OSBPL3: variants seen among roughly 807,000 people sequenced by gnomAD.
The protein encoded by OSBPL3 is oxysterol-binding protein-related protein 3.
A neutral mutation model predicts 120.1 loss-of-function variants in OSBPL3; 65 were observed. The ratio of observed to expected loss-of-function variants is 0.54; its 90% CI spans 0.44 to 0.67. The LOEUF (loss-of-function observed/expected upper bound fraction) is 0.67, where lower values mean the gene tolerates loss of function less well. Among genes scored for constraint, OSBPL3 ranks in the 30% least tolerant of loss-of-function variants. OSBPL3 has a pLI of 0.00. For synonymous variants in OSBPL3, 416 were observed against 402.6 expected (o/e 1.03, Z -0.40); for missense variants, 1,004 against 1,082.1 (o/e 0.93, Z 1.01).
rs1240913342 is a variant in OSBPL3 at position 24,830,180 on chromosome 7, T to C, written c.1884+588A>G. Among the ~76,000 whole-genome samples, 3 of 152,176 alleles carry C rather than the reference T, an allele frequency of 2.0e-5. No homozygotes were observed. The highest frequency in any genetic ancestry group is 7.2e-5 in the African/African-American group (3 of 41,454). On this transcript the variant is annotated intron_variant, in intron 16 of 22. Coordinates refer to ENST00000313367, the MANE Select transcript of OSBPL3 (RefSeq NM_015550.4). This position sits in a 1 kb window ranked among gnomAD's most constrained non-coding sequence, Gnocchi z 4.4. ...GAGTGTGATGGAACCTTAGGCTGCA[T>C]GAGTACAAGGTTGTGCATCCATCAG...
chr7:24,941,955 T>C (rs1328917424), intron 1 of OSBPL3, among the ~76,000 whole-genome samples: 1 of 152,194 alleles, frequency 6.6e-6, no homozygotes, highest in African/African-American at 2.4e-5. Context: ...GTTACCAGTA[T>C]CCACACTTCA....
rs957026686 is a variant in OSBPL3, at chr7:24,904,726, C to T, written c.-149-12105G>A. 5.9e-5 allele frequency among the ~76,000 whole-genome samples: 9 copies of T among 151,932 alleles called. 1 individual carries two copies. In the South Asian group the frequency reaches 1.0e-3, roughly 18 times the overall value. ...ACATGGATGACTCTGGAAGACATTA[C>T]GCTAGGTGAAATAAGCCAGTCACAG... On this transcript the variant is annotated intron_variant, in intron 1 of 22. Coordinates refer to ENST00000313367, the MANE Select transcript of OSBPL3 (RefSeq NM_015550.4).
intron 6 of OSBPL3, 26 bp from the exon 7 acceptor site, chr7:24,865,491 T>C (rs1458933821): frequency 3.1e-6 from 5 of 1,610,648 alleles, no homozygotes; most frequent in Non-Finnish European, 8.5e-7. Flanking sequence ...CAAAAGCACA[T>C]TGTAAATGGA....
chr7:24,834,724 T>C lies in OSBPL3; in HGVS notation c.1508A>G (p.Asp503Gly). Reference protein sequence around the residue: ...NERQTLGPVLDSGREAKSRRR... With the variant: ...NERQTLGPVLGSGREAKSRRR... ...CCGGGACTTCGCTTCCCGACCACTA[T>C]CAAGGACAGGCCCTGAAAGGGAAAG... The change falls in exon 15 of 23, where the codon GAT becomes GGT. Residue 503 changes from aspartate to glycine, a missense_variant. By Grantham distance (94) the Asp-to-Gly change is moderately conservative (BLOSUM62 -1). This residue lies in a region of OSBPL3 where 473 missense variants were observed against 568.0 expected (regional missense o/e 0.83). Transcript: ENST00000313367. The surrounding 1 kb of genome is among the most constrained non-coding windows in gnomAD (Gnocchi z 5.2). The C allele has an allele frequency of 6.2e-7, 1 of 1,610,166 alleles. No homozygotes were observed. The highest frequency in any genetic ancestry group is 8.5e-7 in the Non-Finnish European group (1 of 1,178,366).
chr7:24,826,978 C>A (rs768611349), intron 16 of OSBPL3, among the ~76,000 whole-genome samples: 5 of 152,202 alleles, frequency 3.3e-5, no homozygotes, highest in Non-Finnish European at 5.9e-5. Flanking sequence ...GCAGCCATCA[C>A]TTTCCAACTC....
Position 24,863,733 on chromosome 7 carries a change from T to C in OSBPL3, c.674-134A>G, listed in dbSNP as rs1800920057. Reference sequence around the variant, plus strand: ...TTTCATCTGTAAGGGTTGGAAATTTTACTTCCTTTTTTACAGGAAAGGCTG... The same window carrying C: ...TTTCATCTGTAAGGGTTGGAAATTTCACTTCCTTTTTTACAGGAAAGGCTG... On this transcript the variant is annotated intron_variant, in intron 7 of 22. Transcript: ENST00000313367. The surrounding 1 kb of genome is among the most constrained non-coding windows in gnomAD (Gnocchi z 5.8). The C allele has an allele frequency of 1.6e-6, 1 of 622,150 alleles. No homozygotes were observed. The highest frequency in any genetic ancestry group is 1.8e-5 in the African/African-American group (1 of 54,326). 38.5% of individuals were successfully genotyped at this position (622,150 alleles called of 1,614,324 possible). A position where few individuals can be genotyped will look rare whatever the true frequency, so the allele number is the denominator to read the frequency against.
At position 24,828,864 on chromosome 7, in the gene OSBPL3, T is replaced by C. The variant is rs183339013; in HGVS notation, c.1884+1904A>G. ...AGTTAAGATTTGAAGCAGGCAGGTC[T>C]GTACATCCTACACCCAGCACATTCT... On this transcript the variant is annotated intron_variant, in intron 16 of 22. Coordinates refer to ENST00000313367, the MANE Select transcript of OSBPL3 (RefSeq NM_015550.4). Among the ~76,000 whole-genome samples, 284 of 152,302 alleles carry C rather than the reference T, an allele frequency of 1.9e-3. 3 individuals are homozygous for C. Among genetic ancestry groups the C allele is most frequent in the Non-Finnish European group, 2.7e-3 (183 of 68,018 alleles).
At chr7:24,844,714 T>C (rs929705108) in intron 12 of OSBPL3, among the ~76,000 whole-genome samples, 6 of 152,164 alleles carry the variant, frequency 3.9e-5, no homozygotes, top group African/African-American at 1.2e-4. Context: ...GTATTCAAAA[T>C]AGAAAATTTT....
chr7:24,819,749 T>C lies in OSBPL3; in HGVS notation c.1948+426A>G, dbSNP rs1397789856. Among the ~76,000 whole-genome samples, 1 of 152,112 alleles carries C rather than the reference T, an allele frequency of 6.6e-6. No individual in the cohort carries two copies. The highest frequency in any genetic ancestry group is 2.4e-5 in the African/African-American group (1 of 41,410). On this transcript the variant is annotated intron_variant, in intron 17 of 22. Transcript: ENST00000313367. This position sits in a 1 kb window ranked among gnomAD's most constrained non-coding sequence, Gnocchi z 4.1. ...ATAGCCTTATTTATTCTTTAGAAGA[T>C]TTACCCACCCAACCCCAACTCAAAA...
In OSBPL3 at chr7:24,830,992, T is replaced by G; in HGVS notation, c.1747-87A>C. The G allele has an allele frequency of 2.3e-6, 3 of 1,311,706 alleles. No individual in the cohort carries two copies. The highest frequency in any genetic ancestry group is 3.0e-6 in the Non-Finnish European group (3 of 987,202). 81.3% of individuals were successfully genotyped at this position (1,311,706 alleles called of 1,614,324 possible). ...AGAACTAAACAAAATAAAACCTCTA[T>G]GATTTTCTTTCAGAAAGCCAAAGAT... On this transcript the variant is annotated intron_variant, in intron 15 of 22. Coordinates refer to ENST00000313367, the MANE Select transcript of OSBPL3 (RefSeq NM_015550.4). This position sits in a 1 kb window ranked among gnomAD's most constrained non-coding sequence, Gnocchi z 4.4.
In OSBPL3 at chr7:24,886,998, A is replaced by G. The variant is rs75980819; in HGVS notation, c.96+5379T>C. Among the ~76,000 whole-genome samples, 639 of 152,348 alleles carry G rather than the reference A, an allele frequency of 4.2e-3. 4 individuals carry two copies. The highest frequency in any genetic ancestry group is 7.0e-3 in the Non-Finnish European group (475 of 68,028). The stretch of plus-strand genomic sequence containing the variant: ...GCAGCTATTTAAACACAAGTTAATT[A>G]AAGAATAGCAATTCACATTTACTAT... On this transcript the variant is annotated intron_variant, in intron 2 of 22. Coordinates refer to ENST00000313367, the MANE Select transcript of OSBPL3 (RefSeq NM_015550.4).
At position 24,872,408 on chromosome 7, in the gene OSBPL3, G is replaced by A. The variant is rs115651533; in HGVS notation, c.97-339C>T. On this transcript the variant is annotated intron_variant, in intron 2 of 22. Coordinates refer to ENST00000313367, the MANE Select transcript of OSBPL3 (RefSeq NM_015550.4). The surrounding 1 kb of genome is among the most constrained non-coding windows in gnomAD (Gnocchi z 4.1). ...TGACATTACCATGCAATTACTGTTC[G>A]TTCAGCACTAGACTTCAGTCTGAAT... Among the ~76,000 whole-genome samples the A allele has an allele frequency of 0.012, 1,857 of 149,878 alleles. 36 individuals are homozygous for A. Among genetic ancestry groups the A allele is most frequent in the African/African-American group, 0.042 (1,723 of 40,590 alleles).
chr7:24,860,898 A>G (rs1800440856), intron 10 of OSBPL3, among the ~76,000 whole-genome samples: 1 of 152,180 alleles, frequency 6.6e-6, no homozygotes, highest in Admixed American at 6.5e-5. Context: ...ATGGGTATAG[A>G]TTTGTGTGTG....
chr7:24,808,087 G>C lies in OSBPL3; in HGVS notation c.2318-1185C>G, dbSNP rs1464667028. Among the ~76,000 whole-genome samples, 2 of 152,126 alleles carry C rather than the reference G, an allele frequency of 1.3e-5. No individual in the cohort carries two copies. The highest frequency in any genetic ancestry group is 6.5e-5 in the Admixed American group (1 of 15,276). Reference sequence around the variant, plus strand: ...GGCTAATCTTTGTATTTTTAGTAGAGATGAGATTTTGCCATGTTGTCCAGA... The same window carrying C: ...GGCTAATCTTTGTATTTTTAGTAGACATGAGATTTTGCCATGTTGTCCAGA... On this transcript the variant is annotated intron_variant, in intron 20 of 22. Transcript: ENST00000313367. This position sits in a 1 kb window ranked among gnomAD's most constrained non-coding sequence, Gnocchi z 4.6.
intron 2 of OSBPL3, among the ~76,000 whole-genome samples, chr7:24,875,696 G>C (rs1034900597): frequency 1.3e-5 from 2 of 151,834 alleles, no homozygotes; most frequent in African/African-American, 2.4e-5. Flanking sequence ...CTGGGTGAAA[G>C]AGTGAGACCC....
At chr7:24,948,334 C>T (rs993335247) in intron 1 of OSBPL3, among the ~76,000 whole-genome samples, 1 of 152,164 alleles carries the variant, frequency 6.6e-6, no homozygotes, top group African/African-American at 2.4e-5. Context: ...ATTAATACTT[C>T]AGAAGGTAGA....
rs1473990741 is a variant in OSBPL3 at position 24,834,532 on chromosome 7, T to G, written c.1700A>C (p.Glu567Ala). 2 of 1,613,884 alleles carry G rather than the reference T, an allele frequency of 1.2e-6. No homozygotes were observed. Among genetic ancestry groups the G allele is most frequent in the Non-Finnish European group, 8.5e-7 (1 of 1,179,950 alleles). The change falls in exon 15 of 23, where the codon GAG (glutamate) becomes GCG (alanine). Residue 567 changes from glutamate (E) to alanine (A), a missense_variant. Glu to Ala is a moderately radical substitution (Grantham distance 107, BLOSUM62 -1). Around this residue, in one of 4 missense-constraint regions of OSBPL3, gnomAD observed 473 missense variants for 568.0 expected, o/e 0.83. Transcript: ENST00000313367. This position sits in a 1 kb window ranked among gnomAD's most constrained non-coding sequence, Gnocchi z 5.2. ...QRLCEELEYS[E>A]LLDKAAQIPS... is the part of the protein sequence containing the mutation. ...AATCTGCGCGGCCTTGTCCAGGAGC[T>G]CGCTGTACTCCAGCTCCTCGCAGAG...
At chr7:24,941,166 T>G (rs940167132) in intron 1 of OSBPL3, among the ~76,000 whole-genome samples, 1 of 152,232 alleles carries the variant, frequency 6.6e-6, no homozygotes, top group Non-Finnish European at 1.5e-5. Context: ...AGCAATAGTT[T>G]CAGGTAGATG....
Position 24,913,063 on chromosome 7 carries a change from A to G in OSBPL3, c.-149-20442T>C, listed in dbSNP as rs1353187316. Among the ~76,000 whole-genome samples the G allele has an allele frequency of 6.6e-6, 1 of 152,242 alleles. No homozygotes were observed. Among genetic ancestry groups the G allele is most frequent in the Non-Finnish European group, 1.5e-5 (1 of 68,050 alleles). ...CGATAACCAGCATCAACCCGCAGAC[A>G]TGTGACTGAGCAAGGATTCAAATGT... On this transcript the variant is annotated intron_variant, in intron 1 of 22. Transcript: ENST00000313367. The surrounding 1 kb of genome is among the most constrained non-coding windows in gnomAD (Gnocchi z 5.3).
Sources: allele counts gnomAD v4.1 joint callset (sites outside exome capture counted in the v4.1 genomes callset), GRCh38; gene constraint gnomAD v4.1.1; regional missense constraint gnomAD v4.1.1; non-coding constraint Gnocchi (gnomAD v3.1); transcripts MANE v1.5; gene names NCBI Gene and HGNC (gene_info 2026-07-23, HGNC 2026-07-21).